LRRIQ3: variants seen among roughly 807,000 people sequenced by gnomAD.
LRRIQ3 encodes leucine-rich repeat and IQ domain-containing protein 3.
In LRRIQ3, 75 loss-of-function variants were observed where a neutral mutation model predicts 59.3. The ratio of observed to expected loss-of-function variants is 1.26; its 90% confidence interval spans 1.05 to 1.53. The LOEUF is 1.53. LRRIQ3 is among the 40% of genes most tolerant of loss of function. The pLI, the probability that LRRIQ3 is intolerant of heterozygous loss-of-function variation, is 0.00. For missense variants in LRRIQ3, 831 were observed against 710.0 expected (o/e 1.17, Z -1.94); for synonymous variants, 250 against 231.3 (o/e 1.08, Z -0.73).
intron 5 of LRRIQ3, among the ~76,000 whole-genome samples, chr1:74,085,905 T>C (rs1156633945): frequency 6.6e-6 from 1 of 152,038 alleles, no homozygotes; most frequent in African/African-American, 2.4e-5. Flanking sequence ...ACAATTCTAA[T>C]AATGGAATCT....
chr1:74,115,400 G>A (rs1252041668), intron 4 of LRRIQ3, among the ~76,000 whole-genome samples: 3 of 152,012 alleles, frequency 2.0e-5, no homozygotes, highest in Non-Finnish European at 4.4e-5. Flanking sequence ...TTTTACTGGA[G>A]ACTCCCTAAA....
intron 5 of LRRIQ3, among the ~76,000 whole-genome samples, chr1:74,085,177 T>C (rs917400424): frequency 6.6e-6 from 1 of 151,770 alleles, no homozygotes; most frequent in Non-Finnish European, 1.5e-5. Flanking sequence ...TATATGAAAA[T>C]GATTATGTGA....
intron 5 of LRRIQ3, among the ~76,000 whole-genome samples, chr1:74,084,687 G>C (rs1646308300): frequency 6.6e-6 from 1 of 151,584 alleles, no homozygotes; most frequent in African/African-American, 2.4e-5. Flanking sequence ...TTGGCATACT[G>C]AGGCAGACTA....
At position 74,026,416 on chromosome 1, in the gene LRRIQ3, A is replaced by G. The variant is rs1418592993; in HGVS notation, c.*397T>C. On this transcript the variant is annotated 3_prime_UTR_variant, in exon 8 of 8. Transcript: ENST00000354431. ...CAGGTAATAAAAGTCATCAACGTAC[A>G]CAGTGTCTTAATAAAAGTCAGCAGT... The G allele has an allele frequency of 2.6e-5, 4 of 154,956 alleles. No individual in the cohort carries two copies. The highest frequency in any genetic ancestry group is 7.2e-5 in the African/African-American group (3 of 41,502). 9.6% of individuals were successfully genotyped at this position (154,956 alleles called of 1,614,324 possible).
At chr1:74,173,724 TA>T (rs1649467980) in intron 3 of LRRIQ3, among the ~76,000 whole-genome samples, 1 of 151,962 alleles carries the variant, frequency 6.6e-6, no homozygotes, top group South Asian at 2.1e-4. Context: ...ATTGAAACAA[TA>T]AAAAATAATA....
chr1:74,176,381 G>C (rs2100710895), intron 3 of LRRIQ3, among the ~76,000 whole-genome samples: 1 of 152,126 alleles, frequency 6.6e-6, no homozygotes, highest in South Asian at 2.1e-4. Flanking sequence ...TTGTTTTCCA[G>C]ATTTTTTTCT....
At chr1:74,041,956 T>G (rs748757553) in intron 6 of LRRIQ3, 23 bp from the exon 7 acceptor site, 6 of 1,541,152 alleles carry the variant, frequency 3.9e-6, no homozygotes, top group Non-Finnish European at 5.2e-6. Flanking sequence ...GAAGCAAATA[T>G]TATACATTAT....
At chr1:74,179,588 A>T (rs546592507) in intron 3 of LRRIQ3, among the ~76,000 whole-genome samples, 37 of 152,128 alleles carry the variant, frequency 2.4e-4, no homozygotes, top group African/African-American at 8.9e-4. Flanking sequence ...CTAAATAATT[A>T]TCTCCATCGG....
At position 74,090,016 on chromosome 1, in the gene LRRIQ3, T is replaced by C. The variant is rs569591871; in HGVS notation, c.868-15226A>G. ...TTAGGATTCACATTTTCAAAAACTG[T>C]AACACTTTTTACTATTTCTAGTGGT... On this transcript the variant is annotated intron_variant, in intron 5 of 7. Transcript: ENST00000354431. Among the ~76,000 whole-genome samples the C allele has an allele frequency of 2.6e-5, 4 of 152,188 alleles. No individual in the cohort carries two copies. In the South Asian group the frequency reaches 8.3e-4, roughly 32 times the overall value.
chr1:74,034,004 T>C (rs1344301217), intron 7 of LRRIQ3, among the ~76,000 whole-genome samples: 1 of 152,014 alleles, frequency 6.6e-6, no homozygotes, highest in Non-Finnish European at 1.5e-5. Flanking sequence ...AAGTCTATCT[T>C]TAATTAATGC....
In LRRIQ3 at chr1:74,121,977, C is replaced by T. The variant is rs189067972; in HGVS notation, c.708-12424G>A. Among the ~76,000 whole-genome samples, 628 of 152,050 alleles carry T rather than the reference C, an allele frequency of 4.1e-3. 2 individuals are homozygous for T. Among genetic ancestry groups the T allele is most frequent in the Non-Finnish European group, 7.4e-3 (502 of 68,008 alleles). ...ATGTGTCACGGTTTCTTAATCCAGT[C>T]TATCATTGTTGGACATTTGACTTGG... On this transcript the variant is annotated intron_variant, in intron 4 of 7. Coordinates refer to ENST00000354431, the MANE Select transcript of LRRIQ3 (RefSeq NM_001105659.2).
intron 1 of LRRIQ3, among the ~76,000 whole-genome samples, chr1:74,187,752 A>T (rs909569995): frequency 1.3e-5 from 2 of 152,044 alleles, no homozygotes; most frequent in Admixed American, 6.6e-5. Context: ...ATTAAAAAAC[A>T]ACAAAAAAAG....
At chr1:74,162,438 A>C (rs527668660) in intron 3 of LRRIQ3, among the ~76,000 whole-genome samples, 50 of 152,008 alleles carry the variant, frequency 3.3e-4, no homozygotes, top group African/African-American at 1.2e-3. Context: ...GATTGGTAGA[A>C]TAATAGAAAT....
chr1:74,054,493 T>A (rs1057174874), intron 6 of LRRIQ3, among the ~76,000 whole-genome samples: 6 of 152,014 alleles, frequency 3.9e-5, no homozygotes, highest in Admixed American at 2.0e-4. Flanking sequence ...ACTCATAGAA[T>A]GTACACCAAG....
intron 5 of LRRIQ3, chr1:74,108,816 C>A: frequency 3.1e-6 from 1 of 321,238 alleles, no homozygotes; most frequent in Non-Finnish European, 6.1e-6. Flanking sequence ...AATTATGTAG[C>A]TTTTGGTAAG....
At chr1:74,188,061 A>C (rs1280113379) in intron 1 of LRRIQ3, among the ~76,000 whole-genome samples, 1 of 152,206 alleles carries the variant, frequency 6.6e-6, no homozygotes. Flanking sequence ...AATGTGGTAC[A>C]TTTACACCAT....
chr1:74,180,741 A>C (rs1337967732), intron 3 of LRRIQ3: 2 of 1,550,386 alleles, frequency 1.3e-6, no homozygotes, highest in Admixed American at 2.0e-5. Context: ...ATATTGGGTA[A>C]GTTCCTAAAC....
chr1:74,041,481 G>A lies in LRRIQ3; in HGVS notation c.1450C>T (p.Arg484Ter), dbSNP rs750155109. The change falls in exon 7 of 8, where the codon CGA becomes TGA. Residue 484 changes from arginine (R) to a stop codon, truncating the protein, a stop_gained. Coordinates refer to ENST00000354431, the MANE Select transcript of LRRIQ3 (RefSeq NM_001105659.2). LOFTEE classifies it high-confidence loss of function. ...TTGAATCTGTTTTGCCAAACTTGTC[G>A]TAAACTGTTCTGAATTGTCTCTTTA... Reference protein sequence around the residue: ...ENKETIQNSLRQVWQNRFNYL... With the variant: ...ENKETIQNSL 34 of 1,613,096 alleles carry A rather than the reference G, an allele frequency of 2.1e-5. No homozygotes were observed. The highest frequency in any genetic ancestry group is 1.6e-4 in the Middle Eastern group (1 of 6,078).
chr1:74,076,139 T>G (rs577754701), intron 5 of LRRIQ3, among the ~76,000 whole-genome samples: 1 of 152,080 alleles, frequency 6.6e-6, no homozygotes, highest in East Asian at 1.9e-4. Flanking sequence ...GAGAAAAAGT[T>G]CAGAAGCTTA....
Sources: gnomAD v4.1 joint callset for allele counts (sites outside exome capture counted in the v4.1 genomes callset) on GRCh38, gnomAD v4.1.1 for gene constraint, MANE v1.5 for transcripts, NCBI Gene and HGNC (gene_info 2026-07-23, HGNC 2026-07-21) for gene names.